The following ZC3H12B variants were observed in gnomAD, a reference collection of about 807,000 sequenced individuals.
The protein encoded by ZC3H12B is zinc finger CCCH-type containing 12B, also known as probable ribonuclease ZC3H12B.
Under a neutral mutation model 43.9 loss-of-function variants are expected in ZC3H12B, and 7 were observed. The ratio of observed to expected loss-of-function variants is 0.16; its 90% CI spans 0.09 to 0.30. ZC3H12B has a LOEUF of 0.30. ZC3H12B is among the 10% of genes least tolerant of loss of function. ZC3H12B has a pLI of 1.00. For synonymous variants in ZC3H12B, 222 were observed against 241.7 expected (o/e 0.92, Z 0.76); for missense variants, 475 against 670.2 (o/e 0.71, Z 3.22).
chrX:65,376,221 G>A lies in ZC3H12B; in HGVS notation n.295+7223G>A, dbSNP rs576413569. On this transcript the variant is annotated intron_variant and non_coding_transcript_variant, in intron 2 of 5. Coordinates refer to the ZC3H12B transcript ENST00000617377. Reference sequence around the variant, plus strand: ...GGCTCTGCTTCCTGTGGAGAGGATAGGGAAAGCATCTCATTGAGCACCAAC... The same window carrying A: ...GGCTCTGCTTCCTGTGGAGAGGATAAGGAAAGCATCTCATTGAGCACCAAC... Among the ~76,000 whole-genome samples the A allele has an allele frequency of 8.0e-5, 9 of 112,274 alleles. 1 individual carries two copies. The South Asian group carries it at 3.3e-3, about 41-fold the overall frequency.
chrX:65,104,074 T>C, the ZC3H12B span, among the ~76,000 whole-genome samples: 2 of 111,106 alleles, frequency 1.8e-5, no homozygotes, highest in Admixed American at 9.6e-5. Context: ...AACAGATATA[T>C]AGACCAATGG....
chrX:65,227,929 T>C, the ZC3H12B span, among the ~76,000 whole-genome samples: 3 of 111,635 alleles, frequency 2.7e-5, no homozygotes, highest in African/African-American at 9.8e-5. Context: ...ACCAGATGGA[T>C]TCACAGCCGA....
At chrX:65,115,219 C>T in the ZC3H12B span, among the ~76,000 whole-genome samples, 2 of 107,713 alleles carry the variant, frequency 1.9e-5, no homozygotes, top group African/African-American at 6.8e-5. Context: ...CCCTTTTACC[C>T]GAGTCCCCAA....
the ZC3H12B span, among the ~76,000 whole-genome samples, chrX:65,102,980 A>G: frequency 4.5e-5 from 5 of 111,804 alleles, no homozygotes; most frequent in Non-Finnish European, 7.5e-5. Flanking sequence ...GCAGAGCAAG[A>G]TCACAGGAGC....
At chrX:65,165,967 G>A in the ZC3H12B span, among the ~76,000 whole-genome samples, 1 of 111,910 alleles carries the variant, frequency 8.9e-6, no homozygotes, top group Admixed American at 9.5e-5. Flanking sequence ...GCTATTTCCT[G>A]ACTTTTTAAT....
chrX:65,499,149 A>G (rs1415547012), exon 3 of ZC3H12B: 6 of 1,209,721 alleles, frequency 5.0e-6, no homozygotes, highest in Non-Finnish European at 5.6e-6. Context: ...TCCAATGATA[A>G]CTACCGAGAC....
the ZC3H12B span, among the ~76,000 whole-genome samples, chrX:65,142,896 C>T: frequency 8.9e-6 from 1 of 112,270 alleles, no homozygotes; most frequent in African/African-American, 3.2e-5. Flanking sequence ...GTTTTGGTGA[C>T]TATGGCCATA....
At chrX:65,217,295 A>G in the ZC3H12B span, among the ~76,000 whole-genome samples, 1 of 111,795 alleles carries the variant, frequency 8.9e-6, no homozygotes, top group Non-Finnish European at 1.9e-5. Flanking sequence ...GGTTAACAAT[A>G]CTCATTGTCC....
At chrX:65,386,381 G>A (rs775167838) in intron 2 of ZC3H12B, among the ~76,000 whole-genome samples, 8 of 111,742 alleles carry the variant, frequency 7.2e-5, no homozygotes, top group Admixed American at 1.9e-4. Flanking sequence ...TTGGCAGGGT[G>A]TATGTGTCCA....
chrX:65,118,865 G>T, the ZC3H12B span, among the ~76,000 whole-genome samples: 1 of 99,115 alleles, frequency 1.0e-5, no homozygotes, highest in East Asian at 3.3e-4. Flanking sequence ...TGTTCTCATT[G>T]TTCAATTCTC....
At chrX:65,168,213 C>T in the ZC3H12B span, among the ~76,000 whole-genome samples, 6 of 111,622 alleles carry the variant, frequency 5.4e-5, no homozygotes, top group Admixed American at 9.6e-5. Flanking sequence ...ACGTCCCATC[C>T]ATATCAAATT....
At chrX:65,478,417 T>A (rs1309843212) in intron 3 of ZC3H12B, among the ~76,000 whole-genome samples, 2 of 112,226 alleles carry the variant, frequency 1.8e-5, no homozygotes, top group Non-Finnish European at 3.8e-5. Flanking sequence ...TATCTCATAA[T>A]TTTTTTGTTG....
the ZC3H12B span, among the ~76,000 whole-genome samples, chrX:65,085,953 C>T: frequency 9.1e-6 from 1 of 110,265 alleles, no homozygotes; most frequent in East Asian, 2.8e-4. Flanking sequence ...ACAGAGCATA[C>T]AGCAAAGTAA....
At chrX:65,081,079 T>G in the ZC3H12B span, among the ~76,000 whole-genome samples, 1 of 109,290 alleles carries the variant, frequency 9.1e-6, no homozygotes, top group African/African-American at 3.3e-5. Flanking sequence ...TAATGGATTA[T>G]AAGATAGTTT....
At chrX:65,193,421 G>A in the ZC3H12B span, among the ~76,000 whole-genome samples, 1 of 111,177 alleles carries the variant, frequency 9.0e-6, no homozygotes, top group Non-Finnish European at 1.9e-5. Context: ...CAATTTATTG[G>A]CACATAGTTG....
At chrX:65,287,384 T>C in the ZC3H12B span, among the ~76,000 whole-genome samples, 1 of 111,274 alleles carries the variant, frequency 9.0e-6, no homozygotes, top group Non-Finnish European at 1.9e-5. Flanking sequence ...CCAAGAGAAA[T>C]TGGGAAGCTA....
At chrX:65,067,635 CTCTT>C in the ZC3H12B span, among the ~76,000 whole-genome samples, 1 of 111,980 alleles carries the variant, frequency 8.9e-6, no homozygotes, top group Admixed American at 9.4e-5. Flanking sequence ...TGTATTTTCA[CTCTT>C]TCTCTTAGTC....
At chrX:65,152,586 G>A in the ZC3H12B span, among the ~76,000 whole-genome samples, 1 of 111,095 alleles carries the variant, frequency 9.0e-6, no homozygotes, top group African/African-American at 3.3e-5. Flanking sequence ...AATAAAAGAG[G>A]ATACAAACAA....
intron 3 of ZC3H12B, among the ~76,000 whole-genome samples, chrX:65,413,117 T>C (rs776484199): frequency 1.8e-5 from 2 of 111,396 alleles, no homozygotes; most frequent in Non-Finnish European, 3.8e-5. Flanking sequence ...TTTCAAATCC[T>C]TTCCCCATTT....
Sources: gnomAD v4.1 joint callset for allele counts (sites outside exome capture counted in the v4.1 genomes callset) on GRCh38, gnomAD v4.1.1 for gene constraint, MANE v1.5 for transcripts, NCBI Gene and HGNC (gene_info 2026-07-23, HGNC 2026-07-21) for gene names.